IL1RAPL2: variants seen among roughly 807,000 people sequenced by gnomAD.
IL1RAPL2 encodes interleukin 1 receptor accessory protein like 2.
IL1RAPL2 carries 3 observed loss-of-function variants against 44.1 expected under a neutral mutation model. The ratio of observed to expected loss-of-function variants is 0.07; its 90% CI spans 0.03 to 0.18. The LOEUF (loss-of-function observed/expected upper bound fraction) is 0.18. Among genes scored for constraint, IL1RAPL2 ranks in the 10% least tolerant of loss-of-function variants. IL1RAPL2 has a pLI of 1.00. For missense variants in IL1RAPL2, 391 were observed against 496.4 expected (o/e 0.79, Z 2.02); for synonymous variants, 181 against 178.8 (o/e 1.01, Z -0.10).
intron 2 of IL1RAPL2, among the ~76,000 whole-genome samples, chrX:105,116,649 T>G (rs2032865474): frequency 8.9e-6 from 1 of 112,341 alleles, no homozygotes; most frequent in Admixed American, 9.4e-5. Flanking sequence ...TACATGTAAA[T>G]ATTTTAGAGG....
chrX:105,675,842 A>C (rs1220240885), intron 6 of IL1RAPL2, among the ~76,000 whole-genome samples: 1 of 111,559 alleles, frequency 9.0e-6, no homozygotes, highest in African/African-American at 3.3e-5. Context: ...TTTGGAACTT[A>C]TTATTGGTCT....
At chrX:104,908,360 T>G (rs760195597) in intron 2 of IL1RAPL2, among the ~76,000 whole-genome samples, 1 of 111,544 alleles carries the variant, frequency 9.0e-6, no homozygotes, top group African/African-American at 3.3e-5. Flanking sequence ...TGTTAGCTGG[T>G]TATTTTGCTC....
chrX:105,740,910 A>G (rs1348110114), intron 8 of IL1RAPL2, among the ~76,000 whole-genome samples: 1 of 111,976 alleles, frequency 8.9e-6, no homozygotes, highest in African/African-American at 3.2e-5. Context: ...GTATTGTCAT[A>G]TGTTAAATCC....
intron 2 of IL1RAPL2, among the ~76,000 whole-genome samples, chrX:105,193,492 AATAAT>A (rs1289044951): frequency 8.9e-6 from 1 of 112,107 alleles, no homozygotes; most frequent in African/African-American, 3.2e-5. Context: ...TTATAAAAAG[AATAAT>A]ATAAAATCCA....
At chrX:105,741,418 T>C (rs184257765) in intron 8 of IL1RAPL2, among the ~76,000 whole-genome samples, 32 of 112,081 alleles carry the variant, frequency 2.9e-4, no homozygotes, top group African/African-American at 1.0e-3. Flanking sequence ...ATACTTTTTG[T>C]ATATGTACAT....
chrX:105,041,920 C>T (rs947295961), intron 2 of IL1RAPL2, among the ~76,000 whole-genome samples: 9 of 110,677 alleles, frequency 8.1e-5, no homozygotes, highest in African/African-American at 3.0e-4. Flanking sequence ...AGAAATAACG[C>T]CGCATATCTA....
At chrX:104,776,539 A>T (rs182406308) in intron 2 of IL1RAPL2, among the ~76,000 whole-genome samples, 202 of 111,682 alleles carry the variant, frequency 1.8e-3, no homozygotes, top group Non-Finnish European at 3.2e-3. Context: ...TGAACTCAGG[A>T]TTAATTAGAT....
At chrX:105,529,415 A>G (rs367600717) in intron 6 of IL1RAPL2, among the ~76,000 whole-genome samples, 9 of 111,277 alleles carry the variant, frequency 8.1e-5, no homozygotes, top group African/African-American at 2.9e-4. Flanking sequence ...AGTGATTATG[A>G]TGATGGTTGC....
intron 2 of IL1RAPL2, among the ~76,000 whole-genome samples, chrX:105,097,550 A>C (rs763864306): frequency 1.4e-4 from 16 of 111,055 alleles, no homozygotes; most frequent in Admixed American, 2.9e-4. Flanking sequence ...AAGCAACATT[A>C]AATTTCAGCT....
chrX:104,751,368 T>C (rs943058803), intron 2 of IL1RAPL2, among the ~76,000 whole-genome samples: 3 of 111,603 alleles, frequency 2.7e-5, no homozygotes, highest in African/African-American at 6.5e-5. Flanking sequence ...TTAAATACTG[T>C]AATCATATAA....
At chrX:105,403,707 G>A (rs1159711818) in intron 5 of IL1RAPL2, among the ~76,000 whole-genome samples, 1 of 111,418 alleles carries the variant, frequency 9.0e-6, no homozygotes, top group East Asian at 2.8e-4. Flanking sequence ...GATCCCTGTA[G>A]AGTGGTTCAG....
intron 2 of IL1RAPL2, among the ~76,000 whole-genome samples, chrX:105,133,986 A>G (rs756535193): frequency 9.0e-4 from 100 of 111,721 alleles, no homozygotes; most frequent in Non-Finnish European, 1.7e-3. Context: ...TCTTATCAGA[A>G]AATAAGACAT....
intron 5 of IL1RAPL2, among the ~76,000 whole-genome samples, chrX:105,271,084 T>A (rs1182728302): frequency 8.9e-6 from 1 of 112,240 alleles, no homozygotes; most frequent in East Asian, 2.8e-4. Context: ...ATCCAGATAT[T>A]CAAAACTGAT....
intron 3 of IL1RAPL2, among the ~76,000 whole-genome samples, chrX:105,201,159 CACA>C (rs1257152451): frequency 2.7e-5 from 3 of 111,859 alleles, no homozygotes; most frequent in Non-Finnish European, 5.6e-5. Context: ...CTGAATGCCT[CACA>C]ACATCTTTCT....
intron 6 of IL1RAPL2, among the ~76,000 whole-genome samples, chrX:105,554,973 G>A (rs1213939063): frequency 4.6e-5 from 5 of 109,735 alleles, no homozygotes; most frequent in Non-Finnish European, 9.5e-5. Context: ...CATTGCCCTG[G>A]GCATTCAAGG....
At position 104,793,179 on chromosome X, in the gene IL1RAPL2, A is replaced by C. The variant is rs946319249; in HGVS notation, c.82+134184A>C. On this transcript the variant is annotated intron_variant, in intron 2 of 10. Coordinates refer to ENST00000372582, the MANE Select transcript of IL1RAPL2 (RefSeq NM_017416.2). ...TTTGTGGCTCAGGCAGTAGACTGCCATTGTTTTCATATTTCAATTTGATTT... is the reference window on the plus strand; with the variant it reads ...TTTGTGGCTCAGGCAGTAGACTGCCCTTGTTTTCATATTTCAATTTGATTT... Among the ~76,000 whole-genome samples the C allele has an allele frequency of 8.0e-5, 9 of 112,185 alleles. No homozygotes were observed. The South Asian group carries it at 2.6e-3, about 32-fold the overall frequency.
intron 6 of IL1RAPL2, among the ~76,000 whole-genome samples, chrX:105,617,868 C>T (rs942634380): frequency 9.0e-6 from 1 of 111,697 alleles, no homozygotes. Flanking sequence ...GATTATCTGA[C>T]AGGGATTAGA....
At chrX:105,461,085 GAGA>G (rs1392151290) in intron 5 of IL1RAPL2, among the ~76,000 whole-genome samples, 1 of 111,657 alleles carries the variant, frequency 9.0e-6, no homozygotes, top group Non-Finnish European at 1.9e-5. Flanking sequence ...GGTGATTGAG[GAGA>G]AGAAGATTAA....
intron 6 of IL1RAPL2, among the ~76,000 whole-genome samples, chrX:105,614,704 C>T (rs892766738): frequency 1.8e-5 from 2 of 111,780 alleles, no homozygotes; most frequent in African/African-American, 3.2e-5. Flanking sequence ...AGACTTAAAT[C>T]GAAGGTCTCA....
Sources: allele counts gnomAD v4.1 joint callset (sites outside exome capture counted in the v4.1 genomes callset), GRCh38; gene constraint gnomAD v4.1.1; transcripts MANE v1.5; gene names NCBI Gene and HGNC (gene_info 2026-07-23, HGNC 2026-07-21).